The following EPN1 variants were observed in gnomAD, a reference collection of about 807,000 sequenced individuals.
EPN1 encodes the protein epsin 1.
In EPN1, 25 loss-of-function variants were observed where a neutral mutation model predicts 56.9. The ratio of observed to expected loss-of-function variants is 0.44; its 90% CI spans 0.32 to 0.61. The LOEUF is 0.61. Ranked by LOEUF, EPN1 falls within the 20% of genes least tolerant of loss-of-function variation. The probability of loss-of-function intolerance (pLI) is 0.05; values close to 1 mark genes in which losing one functional copy is unlikely to be tolerated. For missense variants in EPN1, 785 were observed against 823.7 expected, an observed-to-expected ratio of 0.95 and a Z score of 0.58; for synonymous variants, 411 against 361.8, an observed-to-expected ratio of 1.14 and a Z score of -1.54.
intron 6 of EPN1, among the ~76,000 whole-genome samples, chr19:55,690,695 C>T (rs542914494): frequency 1.1e-4 from 17 of 152,296 alleles, no homozygotes; most frequent in South Asian, 4.1e-4. Context: ...GGAGTTGCCT[C>T]GTCAGCCTGT....
chr19:55,685,672 G>C lies in EPN1; in HGVS notation c.478+27G>C, dbSNP rs201734498. 5.7e-6 allele frequency: 9 copies of C among 1,572,622 alleles called. No individual in the cohort carries two copies. The Middle Eastern group carries it at 7.3e-4, about 127-fold the overall frequency. On this transcript the variant is annotated intron_variant, in intron 3 of 10. Transcript: ENST00000270460. ...TGAGTCCCTCCCTGCGGCCCCTGAC[G>C]GCCTAGAGTCTGTCCTCCGCCTACT...
Position 55,706,283 on chromosome 19 carries a change from C to CTT in EPN1, c.*10942_*10943dup, listed in dbSNP as rs933101353. 52 of 118,466 alleles carry CTT rather than the reference C, an allele frequency of 4.4e-4. No individual in the cohort carries two copies. Among genetic ancestry groups the CTT allele is most frequent in the Middle Eastern group, 4.6e-3 (1 of 216 alleles). 7.3% of individuals were successfully genotyped at this position (118,466 alleles called of 1,614,324 possible). ...CTTCCTTTCTTCTCTTTTTCTTCTT[C>CTT]TTTTTTTTTTTTTTTTAAAAGACCG... On this transcript the variant is annotated 3_prime_UTR_variant, in exon 11 of 11. Coordinates refer to ENST00000270460, the MANE Select transcript of EPN1 (RefSeq NM_001130072.2).
At chr19:55,681,448 G>T (rs1985814211) in intron 2 of EPN1, among the ~76,000 whole-genome samples, 1 of 152,148 alleles carries the variant, frequency 6.6e-6, no homozygotes, top group African/African-American at 2.4e-5. Flanking sequence ...AGGAATGCAG[G>T]GTCTCAGTCT....
rs1987187484 is a variant in EPN1, at chr19:55,702,438, GGGAAA to G, written c.*7087_*7091del. On this transcript the variant is annotated 3_prime_UTR_variant, in exon 11 of 11. Transcript: ENST00000270460. ...GCTTCCCTTAGTGTGCCTAAAGAAA[GGGAAA>G]GGAATGTGCTTTAGGCCCACTGTTT... is the stretch of plus-strand genomic sequence containing the variant. The G allele has an allele frequency of 6.6e-6, 1 of 152,240 alleles. No homozygotes were observed. Among genetic ancestry groups the G allele is most frequent in the Non-Finnish European group, 1.5e-5 (1 of 68,068 alleles). The allele number at this position is 152,240 out of a possible 1,614,324, so 9.4% of individuals were successfully genotyped here. A position where few individuals can be genotyped will look rare whatever the true frequency, so the allele number is the denominator to read the frequency against.
intron 7 of EPN1, 128 bp downstream of exon 7, chr19:55,692,185 G>A: frequency 2.2e-6 from 2 of 890,178 alleles, no homozygotes; most frequent in South Asian, 4.6e-5. Context: ...CTGGGTGCAG[G>A]GGAGGGGGCA....
In EPN1 at chr19:55,695,762, T is replaced by G. The variant is rs1482904613; in HGVS notation, c.*406T>G. 5.6e-6 allele frequency: 1 copy of G among 178,404 alleles called. No individual in the cohort carries two copies. The highest frequency in any genetic ancestry group is 2.4e-5 in the African/African-American group (1 of 42,248). The allele number at this position is 178,404 out of a possible 1,614,324, so 11.1% of individuals were successfully genotyped here. ...GGAATAAATGGCAATTCCCACGGGC[T>G]TGGCACTCCCAGATTCCCATCTGTG... On this transcript the variant is annotated 3_prime_UTR_variant, in exon 11 of 11. Coordinates refer to ENST00000270460, the MANE Select transcript of EPN1 (RefSeq NM_001130072.2). This position sits in a 1 kb window ranked among gnomAD's most constrained non-coding sequence, Gnocchi z 4.4.
In EPN1 at chr19:55,706,094, C is replaced by A; in HGVS notation, c.*10738C>A. 4.1e-6 allele frequency: 1 copy of A among 245,052 alleles called. No homozygotes were observed. Among genetic ancestry groups the A allele is most frequent in the South Asian group, 5.1e-5 (1 of 19,582 alleles). The allele number at this position is 245,052 out of a possible 1,614,324, so 15.2% of individuals were successfully genotyped here. ...GGGGAACAACCCAGCTTTAGTTTTTCCAGATTCTCTGCATGTGCAGGTTTA... is the reference window on the plus strand; with the variant it reads ...GGGGAACAACCCAGCTTTAGTTTTTACAGATTCTCTGCATGTGCAGGTTTA... On this transcript the variant is annotated 3_prime_UTR_variant, in exon 11 of 11. Transcript: ENST00000270460.
Position 55,702,973 on chromosome 19 carries a change from G to A in EPN1, c.*7617G>A, listed in dbSNP as rs918724693. On this transcript the variant is annotated 3_prime_UTR_variant, in exon 11 of 11. Coordinates refer to ENST00000270460, the MANE Select transcript of EPN1 (RefSeq NM_001130072.2). ...CCACGCCCGGCTAAGCTAATTTTTTGTATTGTTAGTAGAGACGGGGTTTCA... is the reference window on the plus strand; with the variant it reads ...CCACGCCCGGCTAAGCTAATTTTTTATATTGTTAGTAGAGACGGGGTTTCA... 1.3e-5 allele frequency: 2 copies of A among 151,930 alleles called. No homozygotes were observed. Among genetic ancestry groups the A allele is most frequent in the Admixed American group, 6.6e-5 (1 of 15,262 alleles). The allele number at this position is 151,930 out of a possible 1,614,324, so 9.4% of individuals were successfully genotyped here.
chr19:55,705,815 A>ATATATATATATATG lies in EPN1; in HGVS notation c.*10472_*10473insGTATATATATATAT, dbSNP rs1484787604. ...GAATATTTGTTGTTGTGGGATATAT[A>ATATATATATATATG]TATATATATATATTTAGAGTGTTGT... On this transcript the variant is annotated 3_prime_UTR_variant, in exon 11 of 11. Transcript: ENST00000270460. 8.1e-6 allele frequency: 1 copy of ATATATATATATATG among 123,178 alleles called. No homozygotes were observed. Among genetic ancestry groups the ATATATATATATATG allele is most frequent in the Non-Finnish European group, 1.7e-5 (1 of 59,954 alleles). 7.6% of individuals were successfully genotyped at this position (123,178 alleles called of 1,614,324 possible). A position where few individuals can be genotyped will look rare whatever the true frequency, so the allele number is the denominator to read the frequency against.
chr19:55,692,307 C>T (rs1331305097), intron 7 of EPN1, among the ~76,000 whole-genome samples: 1 of 151,466 alleles, frequency 6.6e-6, no homozygotes, highest in Non-Finnish European at 1.5e-5. Flanking sequence ...GGCAGAGAGG[C>T]TCTGGCCAAG....
chr19:55,677,223 G>A (rs1985497216), intron 1 of EPN1: 1 of 1,457,690 alleles, frequency 6.9e-7, no homozygotes, highest in Admixed American at 2.0e-5. Context: ...AGTAAGGTGT[G>A]TGTCCCTGGG....
At chr19:55,679,359 G>T (rs767361211) in intron 2 of EPN1, among the ~76,000 whole-genome samples, 1 of 152,222 alleles carries the variant, frequency 6.6e-6, no homozygotes, top group East Asian at 1.9e-4. Context: ...TGTGTTCCTC[G>T]TGTTACGGCA....
rs562436039 is a variant in EPN1, at chr19:55,698,383, T to A, written c.*3027T>A. The A allele has an allele frequency of 6.6e-6, 1 of 152,074 alleles. No individual in the cohort carries two copies. Among genetic ancestry groups the A allele is most frequent in the South Asian group, 2.1e-4 (1 of 4,788 alleles). 9.4% of individuals were successfully genotyped at this position (152,074 alleles called of 1,614,324 possible). On this transcript the variant is annotated 3_prime_UTR_variant, in exon 11 of 11. Transcript: ENST00000270460. ...CGATGGGGCGTGGGACATTCCTGGGTCTCGACTCTGTTCAGGGCCTAGGGG... is the reference window on the plus strand; with the variant it reads ...CGATGGGGCGTGGGACATTCCTGGGACTCGACTCTGTTCAGGGCCTAGGGG...
rs1206817867 is a variant in EPN1, at chr19:55,700,584, C to G, written c.*5228C>G. The G allele has an allele frequency of 6.6e-6, 1 of 152,224 alleles. No individual in the cohort carries two copies. The highest frequency in any genetic ancestry group is 1.5e-5 in the Non-Finnish European group (1 of 68,044). The allele number at this position is 152,224 out of a possible 1,614,324, so 9.4% of individuals were successfully genotyped here. On this transcript the variant is annotated 3_prime_UTR_variant, in exon 11 of 11. Coordinates refer to ENST00000270460, the MANE Select transcript of EPN1 (RefSeq NM_001130072.2). ...CCATAATTACAAACTTTCTGAGGGA[C>G]ATCTTGAAGCACACAAAACTATAGA...
rs775345018 is a variant in EPN1, at chr19:55,691,929, C to A, written c.938C>A (p.Pro313His). 1 of 1,554,310 alleles carries A rather than the reference C, an allele frequency of 6.4e-7. No individual in the cohort carries two copies. The highest frequency in any genetic ancestry group is 2.3e-5 in the East Asian group (1 of 43,424). The part of the protein sequence containing the change: ...PAADPWGGPA[P>H]TPASGDPWRP... ...GCTGATCCCTGGGGAGGTCCAGCCC[C>A]CACGCCGGCCTCTGGGGACCCCTGG... The change falls in exon 7 of 11, where the codon CCC (proline) becomes CAC (histidine). Residue 313 changes from proline (P) to histidine (H), a missense_variant. Coordinates refer to ENST00000270460, the MANE Select transcript of EPN1 (RefSeq NM_001130072.2). This position sits in a 1 kb window ranked among gnomAD's most constrained non-coding sequence, Gnocchi z 5.6.
Position 55,675,455 on chromosome 19 carries a change from C to CG in EPN1, c.-102+25dup, listed in dbSNP as rs1161964613. On this transcript the variant is annotated intron_variant, in intron 1 of 10. Coordinates refer to ENST00000270460, the MANE Select transcript of EPN1 (RefSeq NM_001130072.2). ...GCCGAGGTGAGCGCGGGGCGGAGCGCGGGGGACGCTGGCCCGCCTGCTCCG... is the reference window on the plus strand; with the variant it reads ...GCCGAGGTGAGCGCGGGGCGGAGCGCGGGGGGACGCTGGCCCGCCTGCTCCG... 1.3e-5 allele frequency: 2 copies of CG among 152,312 alleles called. No individual in the cohort carries two copies. Among genetic ancestry groups the CG allele is most frequent in the South Asian group, 2.1e-4 (1 of 4,832 alleles). The allele number at this position is 152,312 out of a possible 1,614,324, so 9.4% of individuals were successfully genotyped here.
Position 55,694,837 on chromosome 19 carries a change from C to G in EPN1, c.1376C>G (p.Ala459Gly), listed in dbSNP as rs1353263571. Residue 459 changes from alanine (A) to glycine (G), a missense_variant, in exon 10 of 11, where the codon GCC (alanine) becomes GGC (glycine). This residue lies in a region of EPN1 where 650 missense variants were observed against 605.0 expected (regional missense o/e 1.07). Transcript: ENST00000270460. This position sits in a 1 kb window ranked among gnomAD's most constrained non-coding sequence, Gnocchi z 4.2. Reference sequence around the variant, plus strand: ...GCTGTGGGCAGCCCCCCACCTGCAGCCACACCAACTCCCACGCCCCCCACC... The same window carrying G: ...GCTGTGGGCAGCCCCCCACCTGCAGGCACACCAACTCCCACGCCCCCCACC... ...AEAVGSPPPA[A>G]TPTPTPPTRK... The G allele has an allele frequency of 1.6e-5, 26 of 1,610,226 alleles. No individual in the cohort carries two copies. Among genetic ancestry groups the G allele is most frequent in the Non-Finnish European group, 2.2e-5 (26 of 1,178,572 alleles).
At position 55,686,978 on chromosome 19, in the gene EPN1, G is replaced by A. The variant is rs986435351; in HGVS notation, c.478+1333G>A. 9.2e-5 allele frequency among the ~76,000 whole-genome samples: 14 copies of A among 152,046 alleles called. No homozygotes were observed. In the East Asian group the frequency reaches 1.2e-3, roughly 13 times the overall value. ...TAATGTCCTCTGCGTTGCTGGCCAC[G>A]CCTTCCCATCCTAGCTGCCTGGCCC... On this transcript the variant is annotated intron_variant, in intron 3 of 10. Coordinates refer to ENST00000270460, the MANE Select transcript of EPN1 (RefSeq NM_001130072.2).
rs1986369574 is a variant in EPN1 at position 55,689,198 on chromosome 19, C to T, written c.604-99C>T. 2.6e-6 allele frequency: 3 copies of T among 1,154,250 alleles called. No homozygotes were observed. The South Asian group carries it at 4.2e-5, about 16-fold the overall frequency. 71.5% of individuals were successfully genotyped at this position (1,154,250 alleles called of 1,614,324 possible). On this transcript the variant is annotated intron_variant, in intron 4 of 10. Coordinates refer to ENST00000270460, the MANE Select transcript of EPN1 (RefSeq NM_001130072.2). This position sits in a 1 kb window ranked among gnomAD's most constrained non-coding sequence, Gnocchi z 5.7. ...CCTGTCCCTCACTGGTTCAGGGACC[C>T]CCAGCCCTCTCTTTCTTCGGCTCTA...
Sources: gnomAD v4.1 joint callset for allele counts (sites outside exome capture counted in the v4.1 genomes callset) on GRCh38, gnomAD v4.1.1 for gene constraint, gnomAD v4.1.1 regional missense constraint, Gnocchi (gnomAD v3.1) non-coding constraint, MANE v1.5 for transcripts, NCBI Gene and HGNC (gene_info 2026-07-23, HGNC 2026-07-21) for gene names.